Variants in TXLNB observed in about 807,000 individuals in gnomAD.
The protein encoded by TXLNB is beta-taxilin.
Under a neutral mutation model 57.4 loss-of-function variants are expected in TXLNB, and 37 were observed. The ratio of observed to expected loss-of-function variants is 0.64; its 90% CI spans 0.50 to 0.85. The LOEUF (loss-of-function observed/expected upper bound fraction) is 0.85, where lower values mean the gene tolerates loss of function less well. Among genes scored for constraint, TXLNB ranks in the 40% least tolerant of loss-of-function variants. The probability of loss-of-function intolerance (pLI) is 0.00; values close to 1 mark genes in which losing one functional copy is unlikely to be tolerated. For synonymous variants in TXLNB, 302 were observed against 309.6 expected (o/e 0.98, Z 0.26); for missense variants, 848 against 825.6 (o/e 1.03, Z -0.33).
intron 3 of TXLNB, among the ~76,000 whole-genome samples, chr6:139,276,025 T>C (rs1197979628): frequency 1.3e-5 from 2 of 152,240 alleles, no homozygotes; most frequent in Non-Finnish European, 2.9e-5. Context: ...AACTACCTTT[T>C]ATTTGCAACT....
At chr6:139,185,297 GC>G in the TXLNB span, among the ~76,000 whole-genome samples, 4 of 152,180 alleles carry the variant, frequency 2.6e-5, no homozygotes, top group South Asian at 4.1e-4. Flanking sequence ...TGGTTATCAA[GC>G]TGCTCAGAAA....
Position 139,257,560 on chromosome 6 carries a change from T to C in TXLNB, c.1003-1922A>G, listed in dbSNP as rs185834628. ...CTTCCAGAGAGTGGCTGGGTAGACC[T>C]GCAAGTCAGCATGCTGTGGGCATCG... On this transcript the variant is annotated intron_variant, in intron 6 of 9. Coordinates refer to ENST00000358430, the MANE Select transcript of TXLNB (RefSeq NM_153235.4). Among the ~76,000 whole-genome samples the C allele has an allele frequency of 5.6e-3, 859 of 152,298 alleles. 4 individuals carry two copies. The highest frequency in any genetic ancestry group is 0.02 in the African/African-American group (825 of 41,554).
At position 139,262,752 on chromosome 6, in the gene TXLNB, G is replaced by C; in HGVS notation, c.709C>G (p.Arg237Gly). ...TCCTTCCTTTTCTCTTCTTCCTCAC[G>C]TGCCCGCTGAAGCGCCTCTTCCTGC... The part of the protein sequence containing the change: ...TLKEEALQRA[R>G]EEEEKRKEIT... The change falls in exon 5 of 10, where the codon CGT becomes GGT. Residue 237 changes from arginine (R) to glycine (G), a missense_variant. Arg to Gly is a moderately radical substitution (Grantham distance 125). Coordinates refer to ENST00000358430, the MANE Select transcript of TXLNB (RefSeq NM_153235.4). The C allele has an allele frequency of 6.2e-7, 1 of 1,613,452 alleles. No individual in the cohort carries two copies. The highest frequency in any genetic ancestry group is 8.5e-7 in the Non-Finnish European group (1 of 1,179,826).
the TXLNB span, among the ~76,000 whole-genome samples, chr6:139,198,230 G>C: frequency 6.7e-6 from 1 of 148,850 alleles, no homozygotes; most frequent in Admixed American, 6.7e-5. Flanking sequence ...CCTGGATTTT[G>C]TTCTGGGAAG....
chr6:139,196,502 G>A, the TXLNB span, among the ~76,000 whole-genome samples: 1 of 150,364 alleles, frequency 6.7e-6, no homozygotes, highest in East Asian at 2.0e-4. Context: ...AGCCTCCCTA[G>A]TAGCTGGGAT....
At chr6:139,190,462 G>A in the TXLNB span, among the ~76,000 whole-genome samples, 14 of 151,640 alleles carry the variant, frequency 9.2e-5, no homozygotes, top group East Asian at 1.2e-3. Flanking sequence ...GGTGCCCACC[G>A]CCATGCCCAG....
At chr6:139,310,751 G>T in the TXLNB span, among the ~76,000 whole-genome samples, 2 of 152,210 alleles carry the variant, frequency 1.3e-5, no homozygotes, top group African/African-American at 2.4e-5. Flanking sequence ...CTGGAGTGCA[G>T]TGATACGATC....
At chr6:139,232,001 C>T in the TXLNB span, among the ~76,000 whole-genome samples, 1 of 152,158 alleles carries the variant, frequency 6.6e-6, no homozygotes, top group African/African-American at 2.4e-5. Context: ...TTGGGTAGAG[C>T]ATTTACTATA....
chr6:139,301,995 G>A, the TXLNB span, among the ~76,000 whole-genome samples: 1 of 152,048 alleles, frequency 6.6e-6, no homozygotes, highest in Non-Finnish European at 1.5e-5. Context: ...AAGAATGAAT[G>A]TTTTTTGGGG....
chr6:139,167,092 G>A, the TXLNB span: 2 of 1,614,214 alleles, frequency 1.2e-6, no homozygotes, highest in African/African-American at 1.3e-5. Flanking sequence ...CCAGGCATAA[G>A]CTGAACACTT....
At chr6:139,159,269 A>G in the TXLNB span, 6 of 152,130 alleles carry the variant, frequency 3.9e-5, no homozygotes, top group Non-Finnish European at 7.3e-5. Flanking sequence ...GATGGAGGAC[A>G]CTGGTCAGAA....
chr6:139,168,124 C>G, the TXLNB span, among the ~76,000 whole-genome samples: 1 of 152,180 alleles, frequency 6.6e-6, no homozygotes, highest in Non-Finnish European at 1.5e-5. Flanking sequence ...ATTTTCAAAT[C>G]TTAGCTGATG....
chr6:139,226,976 G>T, the TXLNB span, among the ~76,000 whole-genome samples: 8 of 152,250 alleles, frequency 5.3e-5, no homozygotes, highest in South Asian at 1.7e-3. Flanking sequence ...GCCATGAGCT[G>T]AGATTGCACC....
At chr6:139,221,062 C>T in the TXLNB span, among the ~76,000 whole-genome samples, 1 of 152,134 alleles carries the variant, frequency 6.6e-6, no homozygotes, top group African/African-American at 2.4e-5. Context: ...GGAGAGCTAG[C>T]TAGGCAACAA....
Position 139,270,498 on chromosome 6 carries a change from C to T in TXLNB, c.645G>A (p.Glu215=), listed in dbSNP as rs1776732038. 1 of 1,614,070 alleles carries T rather than the reference C, an allele frequency of 6.2e-7. No individual in the cohort carries two copies. Among genetic ancestry groups the T allele is most frequent in the Admixed American group, 1.7e-5 (1 of 60,010 alleles). The change falls in exon 4 of 10, where the codon GAG becomes GAA. Residue 215 remains glutamate, a synonymous_variant. Transcript: ENST00000358430. ...GTCTCTGCAGCTCCCGGCACAGACT[C>T]TCCAATTTGCTTCGAGCGAGGATAG... ...SRAILARSKL[E]SLCRELQRHN...
chr6:139,259,390 C>A (rs1443659786), intron 6 of TXLNB, among the ~76,000 whole-genome samples: 1 of 152,216 alleles, frequency 6.6e-6, no homozygotes, highest in Admixed American at 6.5e-5. Context: ...TTGAACCTCT[C>A]CCCCATGCTC....
At chr6:139,228,713 T>G in the TXLNB span, among the ~76,000 whole-genome samples, 2 of 151,902 alleles carry the variant, frequency 1.3e-5, no homozygotes, top group African/African-American at 2.4e-5. Context: ...ACCCAATAGC[T>G]AGGTTAGACT....
At chr6:139,183,602 G>A in the TXLNB span, 1 of 152,154 alleles carries the variant, frequency 6.6e-6, no homozygotes, top group Non-Finnish European at 1.5e-5. Flanking sequence ...GTCAATTACA[G>A]CCATGTACAC....
chr6:139,203,608 T>C, the TXLNB span: 1 of 152,190 alleles, frequency 6.6e-6, no homozygotes, highest in Non-Finnish European at 1.5e-5. Context: ...TCTCTACCCA[T>C]CTCTTAAGTC....
Sources: gnomAD v4.1 joint callset for allele counts (sites outside exome capture counted in the v4.1 genomes callset) on GRCh38, gnomAD v4.1.1 for gene constraint, MANE v1.5 for transcripts, NCBI Gene and HGNC (gene_info 2026-07-23, HGNC 2026-07-21) for gene names.